Variants in GTF3A observed in about 807,000 individuals in gnomAD.
The protein encoded by GTF3A is general transcription factor IIIA.
A neutral mutation model predicts 37.6 loss-of-function variants in GTF3A; 40 were observed. That is an observed-to-expected ratio of 1.06 (90% confidence interval 0.83 to 1.38). The LOEUF (loss-of-function observed/expected upper bound fraction) is 1.38. Ranked by LOEUF, GTF3A falls within the 40% of genes most tolerant of loss-of-function variation. GTF3A has a pLI of 0.00. For synonymous variants in GTF3A, 191 were observed against 166.7 expected (o/e 1.15, Z -1.12); for missense variants, 500 against 462.6 (o/e 1.08, Z -0.74).
At chr13:27,430,752 T>C (rs2138025112) in intron 4 of GTF3A, 131 bp downstream of exon 4, 1 of 636,958 alleles carries the variant, frequency 1.6e-6, no homozygotes, top group East Asian at 2.8e-5. Context: ...TCTGTTCATA[T>C]CCTTTGCCCA....
intron 2 of GTF3A, 122 bp from the exon 3 acceptor site, chr13:27,429,748 A>T: frequency 1.8e-6 from 1 of 555,128 alleles, no homozygotes; most frequent in East Asian, 3.1e-5. Context: ...ATTCGCTAAG[A>T]CTATTTTATA....
At chr13:27,432,486 A>C (rs564679031) in intron 4 of GTF3A, among the ~76,000 whole-genome samples, 3 of 152,324 alleles carry the variant, frequency 2.0e-5, no homozygotes, top group African/African-American at 7.2e-5. Context: ...CCAGAGGTAT[A>C]AAGATGAAAA....
In GTF3A at chr13:27,432,799, A is replaced by T. The variant is rs1566076917; in HGVS notation, c.557A>T (p.His186Leu). ...AAGCTGAAACGACATGCCAAGGCCC[A>T]CGAGGGTGTGTACGGATAGCCTGGG... Residue 186 changes from histidine to leucine, a missense_variant, in exon 5 of 9, where the codon CAC becomes CTC. His to Leu is a moderately conservative substitution (Grantham distance 99, BLOSUM62 -3). Transcript: ENST00000381140. 1 of 1,600,800 alleles carries T rather than the reference A, an allele frequency of 6.2e-7. No individual in the cohort carries two copies. Among genetic ancestry groups the T allele is most frequent in the Admixed American group, 1.7e-5 (1 of 58,144 alleles).
At position 27,434,857 on chromosome 13, in the gene GTF3A, T is replaced by G; in HGVS notation, c.696T>G (p.Leu232=). 6.2e-7 allele frequency: 1 copy of G among 1,613,572 alleles called. No homozygotes were observed. The highest frequency in any genetic ancestry group is 8.5e-7 in the Non-Finnish European group (1 of 1,179,512). The change falls in exon 7 of 9, where the codon CTT becomes CTG. Residue 232 remains leucine (L), a synonymous_variant. Transcript: ENST00000381140. ...AAACATTTAAACGCAAAGATTACCT[T>G]AAGCAACACATGAAAACTCATGCCC...
At chr13:27,434,568 T>C (rs1270998105) in intron 6 of GTF3A, 4 of 567,708 alleles carry the variant, frequency 7.0e-6, no homozygotes, top group African/African-American at 5.6e-5. Context: ...CACAGTCACC[T>C]TCCTGAGAGC....
Position 27,432,793 on chromosome 13 carries a change from A to G in GTF3A, c.551A>G (p.Lys184Arg). 6.2e-7 allele frequency: 1 copy of G among 1,601,862 alleles called. No homozygotes were observed. Among genetic ancestry groups the G allele is most frequent in the Non-Finnish European group, 8.5e-7 (1 of 1,173,890 alleles). Residue 184 changes from lysine (K) to arginine (R), a missense_variant, in exon 5 of 9, where the codon AAG becomes AGG. Transcript: ENST00000381140. Reference sequence around the variant, plus strand: ...CCCAGCAAGCTGAAACGACATGCCAAGGCCCACGAGGGTGTGTACGGATAG... The same window carrying G: ...CCCAGCAAGCTGAAACGACATGCCAGGGCCCACGAGGGTGTGTACGGATAG...
intron 4 of GTF3A, among the ~76,000 whole-genome samples, chr13:27,432,139 C>T (rs1953662819): frequency 6.6e-6 from 1 of 152,180 alleles, no homozygotes; most frequent in African/African-American, 2.4e-5. Flanking sequence ...GCAAAAGGGC[C>T]AGCGGCTCTC....
At chr13:27,434,268 G>A (rs959349770) in intron 6 of GTF3A, 49 bp downstream of exon 6, 1 of 803,552 alleles carries the variant, frequency 1.2e-6, no homozygotes, top group Non-Finnish European at 2.3e-6. Context: ...TGTCCCCACA[G>A]AACTGATTTA....
At chr13:27,430,483 C>A in intron 3 of GTF3A, 50 bp from the exon 4 acceptor site, 2 of 1,128,066 alleles carry the variant, frequency 1.8e-6, no homozygotes, top group South Asian at 1.3e-5. Context: ...ACGAACTGTT[C>A]ATTTTGTTTT....
rs1566077957 is a variant in GTF3A, at chr13:27,434,984, CG to C, written c.824del (p.Arg275ProfsTer16). On this transcript the variant is annotated frameshift_variant, in exon 7 of 9. Coordinates refer to ENST00000381140, the MANE Select transcript of GTF3A (RefSeq NM_002097.3). LOFTEE classifies it high-confidence loss of function. ...TATCCTCTCCTTCCATGAGGAAAGC[CG>C]CCCTTTTGTGTGTGAACATGCTGGC... 1.2e-6 allele frequency: 2 copies of C among 1,611,772 alleles called. No homozygotes were observed. The highest frequency in any genetic ancestry group is 2.2e-5 in the South Asian group (2 of 91,054).
intron 1 of GTF3A, chr13:27,426,430 G>T (rs1953605803): frequency 7.0e-6 from 1 of 142,988 alleles, no homozygotes; most frequent in African/African-American, 3.1e-5. Flanking sequence ...CGCCTTGGTA[G>T]TATGCTTTTC....
At chr13:27,425,595 C>T (rs1345126683) in intron 1 of GTF3A, 2 of 152,434 alleles carry the variant, frequency 1.3e-5, no homozygotes, top group East Asian at 1.9e-4. Context: ...CGGAGATCAC[C>T]ATATGAGGTC....
At chr13:27,427,335 T>G (rs1475193043) in intron 2 of GTF3A, 143 bp downstream of exon 2, 5 of 611,624 alleles carry the variant, frequency 8.2e-6, no homozygotes, top group Non-Finnish European at 1.5e-5. Context: ...CCCAGCACTT[T>G]GGGAGGCGGA....
At chr13:27,425,140 C>T (rs1953593861) in intron 1 of GTF3A, 2 of 520,436 alleles carry the variant, frequency 3.8e-6, no homozygotes, top group African/African-American at 2.0e-5. Context: ...GGCAGGGGCT[C>T]GGGATTTACT....
chr13:27,434,172 C>T lies in GTF3A; in HGVS notation c.596C>T (p.Ala199Val), dbSNP rs750057702. The T allele has an allele frequency of 1.4e-6, 2 of 1,427,870 alleles. No homozygotes were observed. The highest frequency in any genetic ancestry group is 9.9e-7 in the Non-Finnish European group (1 of 1,010,212). The allele number at this position is 1,427,870 out of a possible 1,614,324, so 88.5% of individuals were successfully genotyped here. ...TGTCAAAAAGGATGTTCCTTTGTGG[C>T]AAAAACATGGACGGAACTTCTGAAA... Residue 199 changes from alanine (A) to valine (V), a missense_variant, in exon 6 of 9, where the codon GCA (alanine) becomes GTA (valine). By Grantham distance (64) the Ala-to-Val change is moderately conservative. Coordinates refer to ENST00000381140, the MANE Select transcript of GTF3A (RefSeq NM_002097.3).
chr13:27,433,514 T>TAA (rs780277596), intron 5 of GTF3A, among the ~76,000 whole-genome samples: 17,369 of 110,740 alleles, frequency 0.16, 1,428 homozygotes, highest in Non-Finnish European at 0.21. Flanking sequence ...TGTACTCTTT[T>TAA]AAAAAAAAAA....
intron 1 of GTF3A, chr13:27,425,469 T>C (rs1953597791): frequency 6.5e-6 from 1 of 152,884 alleles, no homozygotes; most frequent in Non-Finnish European, 1.5e-5. Context: ...AAGGCCTCTC[T>C]GTGTGAGCCG....
rs562661027 is a variant in GTF3A, at chr13:27,434,126, A to AT, written c.563-6dup. 9.5e-6 allele frequency: 10 copies of AT among 1,057,274 alleles called. No homozygotes were observed. The highest frequency in any genetic ancestry group is 1.5e-5 in the Non-Finnish European group (10 of 671,092). The allele number at this position is 1,057,274 out of a possible 1,614,324, so 65.5% of individuals were successfully genotyped here. ...AGTATTCATGACAGACAATGCACCA[A>AT]TTTTTTTAATAGGCTATGTATGTCA... On this transcript the variant is annotated splice_polypyrimidine_tract_variant and intron_variant, in intron 5 of 8. Transcript: ENST00000381140.
At chr13:27,432,540 AC>A (rs1283656276) in intron 4 of GTF3A, among the ~76,000 whole-genome samples, 190 bp from the exon 5 acceptor site, 1 of 152,194 alleles carries the variant, frequency 6.6e-6, no homozygotes, top group Non-Finnish European at 1.5e-5. Context: ...TTTTTCTCCA[AC>A]AGTTTGTTTT....
Sources: gnomAD v4.1 joint callset for allele counts (sites outside exome capture counted in the v4.1 genomes callset) on GRCh38, gnomAD v4.1.1 for gene constraint, MANE v1.5 for transcripts, NCBI Gene and HGNC (gene_info 2026-07-23, HGNC 2026-07-21) for gene names.